GPR20: variants seen among roughly 807,000 people sequenced by gnomAD.
GPR20 encodes G protein-coupled receptor 20.
For missense variants in GPR20, 494 were observed against 527.4 expected (o/e 0.94, Z 0.62); for synonymous variants, 241 against 241.9 (o/e 1.00, Z 0.04).
At chr8:141,358,371 T>C (rs1284192428) in intron 1 of GPR20, among the ~76,000 whole-genome samples, 1 of 152,216 alleles carries the variant, frequency 6.6e-6, no homozygotes, top group African/African-American at 2.4e-5. Context: ...CACTGACTAG[T>C]GTGCTTGCTC....
intron 1 of GPR20, among the ~76,000 whole-genome samples, chr8:141,360,405 G>A (rs1304273909): frequency 6.6e-6 from 1 of 152,192 alleles, no homozygotes; most frequent in African/African-American, 2.4e-5. Flanking sequence ...GGCGCTCTGA[G>A]CCCTGATCCC....
chr8:141,364,201 C>T (rs1157878021), intron 1 of GPR20, among the ~76,000 whole-genome samples: 2 of 152,170 alleles, frequency 1.3e-5, no homozygotes, highest in East Asian at 1.9e-4. Context: ...CAAGGGGATT[C>T]TCCGGGCCCT....
chr8:141,356,995 C>G lies in GPR20; in HGVS notation c.929G>C (p.Gly310Ala). 6.2e-7 allele frequency: 1 copy of G among 1,613,122 alleles called. No individual in the cohort carries two copies. Residue 310 changes from glycine to alanine, a missense_variant, in exon 2 of 2, where the codon GGC (glycine) becomes GCC (alanine). Coordinates refer to ENST00000377741, the MANE Select transcript of GPR20 (RefSeq NM_005293.3). ...ACGCTCTCCGTGCTGGCCGAAGAGG[C>G]CTCGGACGGTGGCCTGGAAGCCACT... ...VTSGFQATVRGLFGQHGEREP... is the reference protein window; with the variant it reads ...VTSGFQATVRALFGQHGEREP...
Position 141,357,265 on chromosome 8 carries a change from A to G in GPR20, c.659T>C (p.Met220Thr), listed in dbSNP as rs781117914. The change falls in exon 2 of 2, where the codon ATG becomes ACG. Residue 220 changes from methionine (M) to threonine (T), a missense_variant. Physicochemically the swap from Met to Thr is moderately conservative, Grantham distance 81. Transcript: ENST00000377741. ...CAGACCCGGCCGCGACAGTGCACACATGATGCGGCCGGTAAACACGCTGAT... is the reference window on the plus strand; with the variant it reads ...CAGACCCGGCCGCGACAGTGCACACGTGATGCGGCCGGTAAACACGCTGAT... ...LVISVFTGRI[M>T]CALSRPGLLH... 5 of 1,543,654 alleles carry G rather than the reference A, an allele frequency of 3.2e-6. No homozygotes were observed. The highest frequency in any genetic ancestry group is 3.5e-6 in the Non-Finnish European group (4 of 1,148,844).
chr8:141,359,692 C>T (rs1217627483), intron 1 of GPR20, among the ~76,000 whole-genome samples: 1 of 152,168 alleles, frequency 6.6e-6, no homozygotes, highest in Non-Finnish European at 1.5e-5. Flanking sequence ...TTTGGGGGCA[C>T]AGCAGGCAGC....
intron 1 of GPR20, among the ~76,000 whole-genome samples, chr8:141,360,441 G>A (rs900854198): frequency 6.6e-6 from 1 of 152,218 alleles, no homozygotes; most frequent in Non-Finnish European, 1.5e-5. Flanking sequence ...CCTCAGCCCG[G>A]ACCTTCTGTC....
intron 1 of GPR20, among the ~76,000 whole-genome samples, chr8:141,359,368 C>T (rs777938832): frequency 7.2e-5 from 11 of 152,220 alleles, no homozygotes; most frequent in Non-Finnish European, 1.0e-4. Context: ...CTCCAGTCGG[C>T]GGCCACCTTC....
chr8:141,364,613 C>A (rs1233490915), intron 1 of GPR20, among the ~76,000 whole-genome samples: 1 of 152,214 alleles, frequency 6.6e-6, no homozygotes, highest in Non-Finnish European at 1.5e-5. Flanking sequence ...TGGGGAAGGA[C>A]ACCTGGGCCC....
intron 1 of GPR20, among the ~76,000 whole-genome samples, chr8:141,358,164 C>T (rs1294795259): frequency 5.2e-5 from 8 of 152,384 alleles, no homozygotes; most frequent in East Asian, 3.9e-4. Context: ...GAGTCAGACG[C>T]GTGTTCAAAT....
intron 1 of GPR20, among the ~76,000 whole-genome samples, chr8:141,360,302 T>C (rs1027994642): frequency 1.1e-4 from 16 of 152,160 alleles, no homozygotes; most frequent in African/African-American, 3.6e-4. Context: ...ATCCCAGTAA[T>C]GTGATGAACC....
chr8:141,366,427 C>A (rs1831814569), intron 1 of GPR20, among the ~76,000 whole-genome samples: 1 of 152,214 alleles, frequency 6.6e-6, no homozygotes, highest in Admixed American at 6.5e-5. Flanking sequence ...CCCGCCAGCA[C>A]CCTGGCTGCT....
Position 141,356,837 on chromosome 8 carries a change from G to T in GPR20, c.*10C>A, listed in dbSNP as rs747634210. On this transcript the variant is annotated 3_prime_UTR_variant, in exon 2 of 2. Coordinates refer to ENST00000377741, the MANE Select transcript of GPR20 (RefSeq NM_005293.3). ...GTCCTGACCTTCGGCCCCTGGCAGA[G>T]CCCTGCTGACTAAGCCTCGGGCCCA... The T allele has an allele frequency of 5.7e-6, 9 of 1,566,728 alleles. No individual in the cohort carries two copies. The South Asian group carries it at 8.1e-5, about 14-fold the overall frequency.
At chr8:141,360,400 T>C (rs1434731364) in intron 1 of GPR20, among the ~76,000 whole-genome samples, 1 of 152,208 alleles carries the variant, frequency 6.6e-6, no homozygotes, top group Non-Finnish European at 1.5e-5. Context: ...CCTGTGGCGC[T>C]CTGAGCCCTG....
intron 1 of GPR20, among the ~76,000 whole-genome samples, chr8:141,359,829 C>T (rs1430190404): frequency 6.6e-6 from 1 of 152,172 alleles, no homozygotes; most frequent in Non-Finnish European, 1.5e-5. Flanking sequence ...ATGAAACGCT[C>T]TCAGAAAAGG....
At chr8:141,361,794 G>A (rs1473966343) in intron 1 of GPR20, among the ~76,000 whole-genome samples, 2 of 150,762 alleles carry the variant, frequency 1.3e-5, no homozygotes, top group African/African-American at 4.9e-5. Flanking sequence ...GCGGGGCAGG[G>A]GCAGGTGTGC....
chr8:141,363,239 C>T (rs1196084269), intron 1 of GPR20, among the ~76,000 whole-genome samples: 1 of 152,262 alleles, frequency 6.6e-6, no homozygotes, highest in African/African-American at 2.4e-5. Flanking sequence ...GTGAGAAATA[C>T]TGCAGACACC....
rs1319927084 is a variant in GPR20 at position 141,357,072 on chromosome 8, G to A, written c.852C>T (p.Thr284=). 2 of 1,612,452 alleles carry A rather than the reference G, an allele frequency of 1.2e-6. No homozygotes were observed. The highest frequency in any genetic ancestry group is 1.7e-6 in the Non-Finnish European group (2 of 1,179,678). ...CCATGCAGCTGTTGAGGCTGCTGAG[G>A]GTCACGGCCACGTGGTAGACCACGA... The part of the protein sequence containing the change: ...TSLVVYHVAV[T]LSSLNSCMDP... Residue 284 remains threonine, a synonymous_variant, in exon 2 of 2, where the codon ACC becomes ACT. Coordinates refer to ENST00000377741, the MANE Select transcript of GPR20 (RefSeq NM_005293.3).
rs1030162403 is a variant in GPR20, at chr8:141,362,202, C to A, written c.-24-4255G>T. On this transcript the variant is annotated intron_variant, in intron 1 of 1. Transcript: ENST00000377741. ...CAAGCTGTTCCTGCTCTCTCCCTTTCGGCTTATTCATGCCCATTTTTAGGA... is the reference window on the plus strand; with the variant it reads ...CAAGCTGTTCCTGCTCTCTCCCTTTAGGCTTATTCATGCCCATTTTTAGGA... 2.0e-5 allele frequency among the ~76,000 whole-genome samples: 3 copies of A among 152,334 alleles called. No individual in the cohort carries two copies. In the South Asian group the frequency reaches 6.2e-4, roughly 32 times the overall value.
At chr8:141,366,147 C>G (rs1009112173) in intron 1 of GPR20, among the ~76,000 whole-genome samples, 1 of 152,256 alleles carries the variant, frequency 6.6e-6, no homozygotes, top group African/African-American at 2.4e-5. Flanking sequence ...ATGGTCCAAA[C>G]TGCATGGCCC....
Sources: allele counts gnomAD v4.1 joint callset (sites outside exome capture counted in the v4.1 genomes callset), GRCh38; gene constraint gnomAD v4.1.1; transcripts MANE v1.5; gene names NCBI Gene and HGNC (gene_info 2026-07-23, HGNC 2026-07-21).